PRRC2B: variants seen among roughly 807,000 people sequenced by gnomAD.
PRRC2B encodes proline rich coiled-coil 2B.
A neutral mutation model predicts 242.3 loss-of-function variants in PRRC2B; 68 were observed. That is an observed-to-expected ratio of 0.28 (90% CI 0.23 to 0.34). The LOEUF (loss-of-function observed/expected upper bound fraction) is 0.34, where lower values mean the gene tolerates loss of function less well. Among genes scored for constraint, PRRC2B ranks in the 10% least tolerant of loss-of-function variants. The probability of loss-of-function intolerance (pLI) is 1.00; values close to 1 mark genes in which losing one functional copy is unlikely to be tolerated. For missense variants in PRRC2B, 2,835 were observed against 2,954.8 expected, an observed-to-expected ratio of 0.96 and a Z score of 0.94; for synonymous variants, 1,228 against 1,173.6, an observed-to-expected ratio of 1.05 and a Z score of -0.95.
chr9:131,414,437 G>A (rs1044993200), intron 1 of PRRC2B, among the ~76,000 whole-genome samples: 11 of 45,748 alleles, frequency 2.4e-4, no homozygotes, highest in Non-Finnish European at 6.9e-4. Flanking sequence ...ATTGCTCCAA[G>A]AAAATGCAAT....
intron 11 of PRRC2B, among the ~76,000 whole-genome samples, chr9:131,462,188 C>A (rs1263733097): frequency 6.6e-6 from 1 of 152,124 alleles, no homozygotes; most frequent in Non-Finnish European, 1.5e-5. Context: ...ATTTATGTAT[C>A]CAAGGCATCT....
intron 28 of PRRC2B, among the ~76,000 whole-genome samples, chr9:131,490,093 C>G (rs1944144789): frequency 6.6e-6 from 1 of 152,152 alleles, no homozygotes; most frequent in Admixed American, 6.5e-5. Context: ...AATTGAATCT[C>G]AAATCCAATG....
chr9:131,383,766 T>C (rs1836792338), intron 1 of PRRC2B, among the ~76,000 whole-genome samples: 1 of 151,604 alleles, frequency 6.6e-6, no homozygotes, highest in South Asian at 2.1e-4. Flanking sequence ...GGACTACAGA[T>C]GCCCACCACC....
chr9:131,447,879 C>G, intron 9 of PRRC2B, 75 bp downstream of exon 9: 11 of 1,471,322 alleles, frequency 7.5e-6, no homozygotes, highest in Non-Finnish European at 9.2e-6. Flanking sequence ...TGGAAACCCC[C>G]TGGCACCACC....
intron 1 of PRRC2B, among the ~76,000 whole-genome samples, chr9:131,386,501 G>A (rs1836827311): frequency 6.7e-6 from 1 of 150,206 alleles, no homozygotes; most frequent in South Asian, 2.1e-4. Flanking sequence ...ATCTGCCCGA[G>A]GAACAGAGCC....
At chr9:131,459,021 G>A in intron 10 of PRRC2B, 143 bp from the exon 11 acceptor site, 1 of 668,270 alleles carries the variant, frequency 1.5e-6, no homozygotes, top group Non-Finnish European at 2.6e-6. Context: ...GAATTCACAT[G>A]GAAGTAGTGG....
At position 131,492,192 on chromosome 9, in the gene PRRC2B, C is replaced by A. The variant is rs776462852; in HGVS notation, c.6405C>A (p.Gly2135=). The change falls in exon 30 of 32, where the codon GGC becomes GGA. Residue 2135 remains glycine (G), a synonymous_variant. Coordinates refer to ENST00000683519, the MANE Select transcript of PRRC2B (RefSeq NM_013318.4). Reference sequence around the variant, plus strand: ...AGCCCTCTCAGATGGAGATGAAAGGCTTCCACTTTGCCGACAGTAAACAGA... The same window carrying A: ...AGCCCTCTCAGATGGAGATGAAAGGATTCCACTTTGCCGACAGTAAACAGA... The part of the protein sequence containing the change: ...SREPSQMEMK[G]FHFADSKQNV... 1.1e-5 allele frequency: 18 copies of A among 1,613,746 alleles called. No homozygotes were observed. The highest frequency in any genetic ancestry group is 2.7e-5 in the African/African-American group (2 of 74,936).
Position 131,476,448 on chromosome 9 carries a change from T to A in PRRC2B, c.4319T>A (p.Phe1440Tyr), listed in dbSNP as rs1943702562. The change falls in exon 16 of 32, where the codon TTT becomes TAT. Residue 1440 changes from phenylalanine to tyrosine, a missense_variant. Physicochemically the swap from Phe to Tyr is conservative, Grantham distance 22. This residue lies in a region of PRRC2B where 1,536 missense variants were observed against 1,483.1 expected (regional missense o/e 1.04). Coordinates refer to ENST00000683519, the MANE Select transcript of PRRC2B (RefSeq NM_013318.4). Reference protein sequence around the residue: ...RQSRKLEPGGFGEKPVRPGGG... With the variant: ...RQSRKLEPGGYGEKPVRPGGG... ...AGCCGAAAGCTGGAGCCGGGAGGGTTTGGGGAGAAGCCCGTTAGGCCAGGT... is the reference window on the plus strand; with the variant it reads ...AGCCGAAAGCTGGAGCCGGGAGGGTATGGGGAGAAGCCCGTTAGGCCAGGT... 2 of 1,613,186 alleles carry A rather than the reference T, an allele frequency of 1.2e-6. No individual in the cohort carries two copies. Among genetic ancestry groups the A allele is most frequent in the South Asian group, 2.2e-5 (2 of 91,020 alleles).
At chr9:131,449,325 G>A (rs953696053) in intron 9 of PRRC2B, among the ~76,000 whole-genome samples, 9 of 152,000 alleles carry the variant, frequency 5.9e-5, no homozygotes, top group Non-Finnish European at 1.3e-4. Context: ...CAGTGTGTGA[G>A]AATTTGGTAG....
intron 1 of PRRC2B, among the ~76,000 whole-genome samples, chr9:131,384,153 G>A (rs1168828062): frequency 6.5e-5 from 9 of 138,502 alleles, no homozygotes; most frequent in South Asian, 2.3e-4. Context: ...GCAGTGGCAC[G>A]ATCTCAGCTC....
intron 6 of PRRC2B, among the ~76,000 whole-genome samples, chr9:131,445,190 C>T (rs952501978): frequency 2.0e-5 from 3 of 151,048 alleles, no homozygotes; most frequent in East Asian, 1.9e-4. Flanking sequence ...GATGGAGTTT[C>T]GCTCTTGTTG....
chr9:131,420,681 G>C (rs1220407002), intron 1 of PRRC2B, among the ~76,000 whole-genome samples: 1 of 150,896 alleles, frequency 6.6e-6, no homozygotes, highest in East Asian at 2.0e-4. Flanking sequence ...GTAGAGTCAG[G>C]GTGTCGCCAT....
Position 131,432,668 on chromosome 9 carries a change from G to A in PRRC2B, c.167G>A (p.Arg56His), listed in dbSNP as rs372505359. The change falls in exon 3 of 32, where the codon CGC (arginine) becomes CAC (histidine). Residue 56 changes from arginine (R) to histidine (H), a missense_variant. Physicochemically the swap from Arg to His is conservative, Grantham distance 29 (BLOSUM62 0). Coordinates refer to ENST00000683519, the MANE Select transcript of PRRC2B (RefSeq NM_013318.4). Reference protein sequence around the residue: ...QSLGKVAAARRMPPPANLPSL... With the variant: ...QSLGKVAAARHMPPPANLPSL... ...CTTGGGAAAGTTGCTGCAGCCCGGC[G>A]CATGCCACCGCCTGCAAACCTGCCA... 1.2e-6 allele frequency: 2 copies of A among 1,614,014 alleles called. No homozygotes were observed. Among genetic ancestry groups the A allele is most frequent in the East Asian group, 2.2e-5 (1 of 44,882 alleles).
intron 9 of PRRC2B, among the ~76,000 whole-genome samples, chr9:131,454,195 T>C (rs1040950477): frequency 6.6e-6 from 1 of 152,264 alleles, no homozygotes; most frequent in African/African-American, 2.4e-5. Flanking sequence ...TAGCATGTGT[T>C]TGTATTCATT....
chr9:131,470,103 G>A (rs756129370), intron 13 of PRRC2B, among the ~76,000 whole-genome samples: 5 of 152,168 alleles, frequency 3.3e-5, no homozygotes, highest in Non-Finnish European at 4.4e-5. Flanking sequence ...GTGTGTTCCC[G>A]TGGCCTGAAG....
At chr9:131,436,890 G>T (rs1164406456) in intron 4 of PRRC2B, among the ~76,000 whole-genome samples, 168 bp downstream of exon 4, 1 of 152,152 alleles carries the variant, frequency 6.6e-6, no homozygotes, top group African/African-American at 2.4e-5. Context: ...ATGGGAAACC[G>T]TCAAGGTCAG....
At chr9:131,447,925 C>T (rs561393374) in intron 9 of PRRC2B, 121 bp downstream of exon 9, 9 of 1,106,902 alleles carry the variant, frequency 8.1e-6, no homozygotes, top group African/African-American at 1.6e-5. Flanking sequence ...GATGAAGAGC[C>T]GGACAGGGAA....
intron 1 of PRRC2B, among the ~76,000 whole-genome samples, chr9:131,375,282 C>T (rs1450669279): frequency 2.0e-5 from 3 of 151,972 alleles, no homozygotes; most frequent in Admixed American, 1.3e-4. Flanking sequence ...ACCTGTAATC[C>T]CAGCTACTCG....
intron 1 of PRRC2B, among the ~76,000 whole-genome samples, chr9:131,402,348 A>G (rs2131285121): frequency 6.6e-6 from 1 of 152,134 alleles, no homozygotes; most frequent in Non-Finnish European, 1.5e-5. Flanking sequence ...ATCATCCAGT[A>G]TTTGTCATTT....
Sources: allele counts gnomAD v4.1 joint callset (sites outside exome capture counted in the v4.1 genomes callset), GRCh38; gene constraint gnomAD v4.1.1; regional missense constraint gnomAD v4.1.1; transcripts MANE v1.5; gene names NCBI Gene and HGNC (gene_info 2026-07-23, HGNC 2026-07-21).